Variants in BCAS1 observed in about 807,000 individuals in gnomAD.
BCAS1 encodes the protein breast carcinoma-amplified sequence 1.
BCAS1 carries 46 observed loss-of-function variants against 65.4 expected under a neutral mutation model. The observed-to-expected ratio is 0.70, with a 90% CI of 0.55 to 0.90. The LOEUF (loss-of-function observed/expected upper bound fraction) is 0.90. Ranked by LOEUF, BCAS1 falls within the 40% of genes least tolerant of loss-of-function variation. The pLI is 0.00. For synonymous variants in BCAS1, 298 were observed against 293.5 expected (o/e 1.02, Z -0.16); for missense variants, 793 against 771.2 (o/e 1.03, Z -0.33).
At chr20:54,018,733 T>A (rs1427195863) in intron 4 of BCAS1, among the ~76,000 whole-genome samples, 1 of 152,170 alleles carries the variant, frequency 6.6e-6, no homozygotes, top group East Asian at 1.9e-4. Context: ...TTCTGATAAG[T>A]GCTATGAAGG....
intron 3 of BCAS1, among the ~76,000 whole-genome samples, chr20:54,056,992 C>T (rs2092306285): frequency 6.6e-6 from 1 of 152,228 alleles, no homozygotes; most frequent in African/African-American, 2.4e-5. Flanking sequence ...CAAGGTCACA[C>T]AGCTAGTACG....
At chr20:54,026,877 C>G (rs546355212) in intron 4 of BCAS1, among the ~76,000 whole-genome samples, 1 of 152,254 alleles carries the variant, frequency 6.6e-6, no homozygotes, top group Admixed American at 6.5e-5. Context: ...CAGCACAGCA[C>G]TTGGCATCTT....
At chr20:53,986,272 C>T (rs2090613922) in intron 7 of BCAS1, among the ~76,000 whole-genome samples, 2 of 152,068 alleles carry the variant, frequency 1.3e-5, no homozygotes, top group Admixed American at 6.6e-5. Flanking sequence ...CTCTTTCTGT[C>T]TCTCTCTCTG....
In BCAS1 at chr20:53,978,224, T is replaced by C. The variant is rs1435965679; in HGVS notation, c.1276-2794A>G. Among the ~76,000 whole-genome samples, 3 of 152,274 alleles carry C rather than the reference T, an allele frequency of 2.0e-5. No individual in the cohort carries two copies. In the East Asian group the frequency reaches 5.8e-4, roughly 29 times the overall value. On this transcript the variant is annotated intron_variant, in intron 8 of 12. Transcript: ENST00000688948. Reference sequence around the variant, plus strand: ...GGGACATGGATGAAATTGGAAATCATCATTCTCAGTCAACTATCGCAAGAA... The same window carrying C: ...GGGACATGGATGAAATTGGAAATCACCATTCTCAGTCAACTATCGCAAGAA...
At chr20:53,963,052 G>A (rs1252976131) in intron 10 of BCAS1, among the ~76,000 whole-genome samples, 5 of 151,348 alleles carry the variant, frequency 3.3e-5, no homozygotes, top group South Asian at 2.1e-4. Context: ...GGGTTTCACC[G>A]TGTTAGCCAG....
At chr20:54,035,274 C>G (rs1221633766) in intron 3 of BCAS1, among the ~76,000 whole-genome samples, 1 of 150,282 alleles carries the variant, frequency 6.7e-6, no homozygotes, top group Non-Finnish European at 1.5e-5. Context: ...GTGGCAGGCG[C>G]CTGTAGTCCC....
chr20:53,999,212 A>T (rs2090996461), intron 4 of BCAS1, among the ~76,000 whole-genome samples: 1 of 152,232 alleles, frequency 6.6e-6, no homozygotes, highest in African/African-American at 2.4e-5. Context: ...AAAACCCTTC[A>T]TAACTTAACT....
chr20:53,988,719 C>A (rs920567309), intron 7 of BCAS1, among the ~76,000 whole-genome samples: 14 of 152,086 alleles, frequency 9.2e-5, no homozygotes, highest in African/African-American at 3.4e-4. Flanking sequence ...CTGTAATTTC[C>A]CAATGGTACT....
chr20:54,046,799 G>A (rs73622297), intron 3 of BCAS1, among the ~76,000 whole-genome samples: 14 of 145,556 alleles, frequency 9.6e-5, no homozygotes, highest in African/African-American at 2.6e-4. Flanking sequence ...AGCCAAGATC[G>A]TGCCACTGCA....
At chr20:53,948,994 G>A (rs1447473265) in intron 12 of BCAS1, among the ~76,000 whole-genome samples, 1 of 152,108 alleles carries the variant, frequency 6.6e-6, no homozygotes, top group African/African-American at 2.4e-5. Context: ...CCCTTTTCAA[G>A]CCTCCATTTG....
chr20:54,007,720 A>AT lies in BCAS1; in HGVS notation c.724-11671dup, dbSNP rs143712456. Among the ~76,000 whole-genome samples the AT allele has an allele frequency of 9.6e-3, 1,447 of 150,514 alleles. 31 individuals carry two copies. Among genetic ancestry groups the AT allele is most frequent in the African/African-American group, 0.033 (1,350 of 41,014 alleles). On this transcript the variant is annotated intron_variant, in intron 4 of 12. Coordinates refer to ENST00000688948, the MANE Select transcript of BCAS1 (RefSeq NM_001366298.2). ...TGAACTTAAGCCCTTACTTTGAAAT[A>AT]TTTTTTTTTTCTTCTTAGATTGACA...
chr20:54,066,361 C>G lies in BCAS1; in HGVS notation c.-6+4072G>C, dbSNP rs568931246. On this transcript the variant is annotated intron_variant, in intron 1 of 12. Coordinates refer to ENST00000688948, the MANE Select transcript of BCAS1 (RefSeq NM_001366298.2). ...TGCTGGGATTACAGGCGTGAGCCAC[C>G]GGGCCCGGCCGAGGCAGGTATTTTT... Among the ~76,000 whole-genome samples the G allele has an allele frequency of 3.5e-4, 54 of 152,324 alleles. 1 individual carries two copies. The highest frequency in any genetic ancestry group is 1.9e-3 in the South Asian group (9 of 4,832).
chr20:53,975,714 T>C (rs539432968), intron 8 of BCAS1, among the ~76,000 whole-genome samples: 3 of 152,262 alleles, frequency 2.0e-5, no homozygotes, highest in East Asian at 3.9e-4. Flanking sequence ...CAGAAAATGC[T>C]AACTGCTGTA....
rs556724526 is a variant in BCAS1 at position 54,005,429 on chromosome 20, A to G, written c.724-9379T>C. Among the ~76,000 whole-genome samples, 324 of 152,334 alleles carry G rather than the reference A, an allele frequency of 2.1e-3. 3 individuals are homozygous for G. The highest frequency in any genetic ancestry group is 3.7e-3 in the Non-Finnish European group (254 of 68,030). On this transcript the variant is annotated intron_variant, in intron 4 of 12. Transcript: ENST00000688948. Reference sequence around the variant, plus strand: ...CTTGAGCCAGGGAGGTCAAGGCTGCAGTGAGCTATGATTGTGCCATTGCAC... The same window carrying G: ...CTTGAGCCAGGGAGGTCAAGGCTGCGGTGAGCTATGATTGTGCCATTGCAC...
chr20:54,067,902 C>T (rs1250175531), intron 1 of BCAS1, among the ~76,000 whole-genome samples: 1 of 152,230 alleles, frequency 6.6e-6, no homozygotes, highest in Non-Finnish European at 1.5e-5. Context: ...CCAACATGGC[C>T]AGGCTGGCAC....
chr20:53,986,983 A>G (rs1256732057), intron 7 of BCAS1, among the ~76,000 whole-genome samples: 1 of 152,156 alleles, frequency 6.6e-6, no homozygotes, highest in Non-Finnish European at 1.5e-5. Context: ...CAATGCATGA[A>G]TTTTCATGGA....
At chr20:53,998,715 T>G (rs1396471998) in intron 4 of BCAS1, among the ~76,000 whole-genome samples, 1 of 152,230 alleles carries the variant, frequency 6.6e-6, no homozygotes, top group Non-Finnish European at 1.5e-5. Context: ...GCATTACATG[T>G]ACACCAGTGC....
chr20:53,959,339 T>C (rs2276514), intron 10 of BCAS1, among the ~76,000 whole-genome samples: 32,664 of 151,732 alleles, frequency 0.22, 3,490 homozygotes, highest in South Asian at 0.25. Context: ...CTGCAGCTTC[T>C]GCCTCCCAGG....
chr20:53,951,297 A>AC (rs777542835), intron 12 of BCAS1, among the ~76,000 whole-genome samples: 167 of 152,112 alleles, frequency 1.1e-3, no homozygotes, highest in Non-Finnish European at 1.5e-4. Context: ...ACATGGAGAA[A>AC]CCCGTCTCTA....
Sources: gnomAD v4.1 joint callset for allele counts (sites outside exome capture counted in the v4.1 genomes callset) on GRCh38, gnomAD v4.1.1 for gene constraint, MANE v1.5 for transcripts, NCBI Gene and HGNC (gene_info 2026-07-23, HGNC 2026-07-21) for gene names.